The following SENP1 variants were observed in gnomAD, a reference collection of about 807,000 sequenced individuals.
The protein encoded by SENP1 is SUMO specific peptidase 1, also known as sentrin-specific protease 1.
A neutral mutation model predicts 93.0 loss-of-function variants in SENP1; 21 were observed. The ratio of observed to expected loss-of-function variants is 0.23; its 90% CI spans 0.16 to 0.33. The LOEUF is 0.33. Ranked by LOEUF, SENP1 falls within the 10% of genes least tolerant of loss-of-function variation. The pLI, the probability that SENP1 is intolerant of heterozygous loss-of-function variation, is 1.00. For synonymous variants in SENP1, 256 were observed against 259.6 expected (o/e 0.99, Z 0.13); for missense variants, 591 against 758.7 (o/e 0.78, Z 2.60).
rs753253293 is a variant in SENP1, at chr12:48,096,376, T to C, written c.187A>G (p.Arg63Gly). ...HLDRSFTCST[R>G]SAAYNPSYYS... is the part of the protein sequence containing the mutation. Reference sequence around the variant, plus strand: ...TAGCTTGGATTATAAGCTGCACTTCTTGTGGAACATGTAAAAGATCGGTCC... The same window carrying C: ...TAGCTTGGATTATAAGCTGCACTTCCTGTGGAACATGTAAAAGATCGGTCC... The change falls in exon 4 of 18, where the codon AGA (arginine) becomes GGA (glycine). Residue 63 changes from arginine to glycine, a missense_variant. Around this residue, in one of 4 missense-constraint regions of SENP1, gnomAD observed 214 missense variants for 243.4 expected, o/e 0.88. Coordinates refer to ENST00000549518, the MANE Select transcript of SENP1 (RefSeq NM_001267594.2). 3 of 1,610,420 alleles carry C rather than the reference T, an allele frequency of 1.9e-6. No individual in the cohort carries two copies. The highest frequency in any genetic ancestry group is 1.1e-5 in the South Asian group (1 of 90,818).
At chr12:48,045,515 T>C (rs1941299503) in intron 17 of SENP1, 131 bp from the exon 18 acceptor site, 7 of 693,000 alleles carry the variant, frequency 1.0e-5, no homozygotes, top group Non-Finnish European at 1.7e-5. Flanking sequence ...TTTTAAATTA[T>C]TCATTCTTGG....
intron 13 of SENP1, among the ~76,000 whole-genome samples, chr12:48,052,711 T>C (rs905005729): frequency 5.3e-5 from 8 of 152,192 alleles, no homozygotes; most frequent in African/African-American, 1.9e-4. Flanking sequence ...AGCTAAACTT[T>C]TAGAGAAAGA....
At position 48,048,974 on chromosome 12, in the gene SENP1, G is replaced by A. The variant is rs1471106980; in HGVS notation, c.1566C>T (p.Asp522=). 1 of 1,613,726 alleles carries A rather than the reference G, an allele frequency of 6.2e-7. No homozygotes were observed. The highest frequency in any genetic ancestry group is 1.1e-5 in the South Asian group (1 of 91,076). The stretch of plus-strand genomic sequence containing the variant: ...CCAGGTGAATGGGCACCAAAAGAAT[G>A]TCAACAGAAAATACATCTACTTTCT... The part of the protein sequence containing the change: ...WTKKVDVFSV[D]ILLVPIHLGV... The change falls in exon 14 of 18, where the codon GAC becomes GAT. Residue 522 remains aspartate (D), a synonymous_variant. Transcript: ENST00000549518.
intron 13 of SENP1, among the ~76,000 whole-genome samples, chr12:48,049,955 T>G (rs1941667207): frequency 6.6e-6 from 1 of 152,200 alleles, no homozygotes; most frequent in Admixed American, 6.5e-5. Context: ...TGGAAAGAAA[T>G]TACAATGGCT....
At chr12:48,070,836 G>A (rs189442423) in intron 9 of SENP1, among the ~76,000 whole-genome samples, 93 of 152,242 alleles carry the variant, frequency 6.1e-4, no homozygotes, top group Admixed American at 5.0e-3. Context: ...TCACACCTAC[G>A]ATCCCAGCAC....
rs540866779 is a variant in SENP1 at position 48,097,343 on chromosome 12, G to A, written c.135+651C>T. Among the ~76,000 whole-genome samples, 11 of 152,224 alleles carry A rather than the reference G, an allele frequency of 7.2e-5. No homozygotes were observed. The South Asian group carries it at 2.3e-3, about 32-fold the overall frequency. ...ATTATGGGGGGAGGTGGATGTTACA[G>A]GAATTTAGTGCCTAGGGCTCATGGA... On this transcript the variant is annotated intron_variant, in intron 3 of 17. Transcript: ENST00000549518.
At chr12:48,105,922 C>G in intron 1 of SENP1, 106 bp downstream of exon 1, 1 of 662,524 alleles carries the variant, frequency 1.5e-6, no homozygotes, top group South Asian at 1.6e-5. Flanking sequence ...CAGTGCTCCC[C>G]GCTTCCGCCC....
chr12:48,085,887 G>A (rs979046379), intron 5 of SENP1, among the ~76,000 whole-genome samples: 3 of 152,120 alleles, frequency 2.0e-5, no homozygotes, highest in African/African-American at 4.8e-5. Flanking sequence ...CTGTATTTGT[G>A]TTTCCCAGAG....
intron 10 of SENP1, 43 bp downstream of exon 10, chr12:48,066,884 A>G (rs1943341594): frequency 1.4e-6 from 2 of 1,418,538 alleles, no homozygotes; most frequent in Non-Finnish European, 1.9e-6. Flanking sequence ...CTAACTAAAA[A>G]TGAACTGATT....
intron 11 of SENP1, 119 bp downstream of exon 11, chr12:48,065,477 A>G: frequency 1.5e-6 from 1 of 686,644 alleles, no homozygotes; most frequent in Non-Finnish European, 2.5e-6. Context: ...ATAACATGCT[A>G]TGCTACCATA....
chr12:48,091,130 G>T (rs1945200113), intron 4 of SENP1, among the ~76,000 whole-genome samples: 2 of 152,106 alleles, frequency 1.3e-5, no homozygotes, highest in Admixed American at 1.3e-4. Flanking sequence ...ATACTTTTAT[G>T]AATATAATAA....
chr12:48,074,445 A>G lies in SENP1; in HGVS notation c.819T>C (p.Ser273=). The part of the protein sequence containing the change: ...EQLSHSVYSL[S]SYTPDVAFGS... ...CAAATGCAACATCTGGGGTATAAGA[A>G]GATAGGGAATATACACTGTGGGACA... Residue 273 remains serine (S), a synonymous_variant, in exon 8 of 18, where the codon TCT becomes TCC. Transcript: ENST00000549518. 1 of 1,613,948 alleles carries G rather than the reference A, an allele frequency of 6.2e-7. No homozygotes were observed. The highest frequency in any genetic ancestry group is 1.1e-5 in the South Asian group (1 of 91,082).
chr12:48,047,857 C>T, intron 15 of SENP1, 144 bp downstream of exon 15: 1 of 605,222 alleles, frequency 1.7e-6, no homozygotes, highest in Non-Finnish European at 2.9e-6. Context: ...ACTAAACTTA[C>T]TTAGATACAA....
At chr12:48,104,918 A>C (rs1288353377) in intron 1 of SENP1, among the ~76,000 whole-genome samples, 1 of 152,238 alleles carries the variant, frequency 6.6e-6, no homozygotes, top group African/African-American at 2.4e-5. Context: ...GAGAGGAAAA[A>C]TAAAGGGTGG....
intron 6 of SENP1, 47 bp downstream of exon 6, chr12:48,083,544 G>C: frequency 6.6e-7 from 1 of 1,517,542 alleles, no homozygotes; most frequent in Non-Finnish European, 9.1e-7. Flanking sequence ...GCTCAATGTA[G>C]GGAAAGATCC....
At chr12:48,051,715 G>A (rs1040590074) in intron 13 of SENP1, among the ~76,000 whole-genome samples, 2 of 152,186 alleles carry the variant, frequency 1.3e-5, no homozygotes, top group African/African-American at 2.4e-5. Context: ...GATGAAAGAG[G>A]AGCAGTGATG....
intron 6 of SENP1, among the ~76,000 whole-genome samples, chr12:48,078,334 T>TATATATATATATATATATATATACATAC: frequency 2.9e-5 from 2 of 67,890 alleles, no homozygotes; most frequent in Non-Finnish European, 6.0e-5. Flanking sequence ...TATATATATA[T>TATATATATATATATATATATATACATAC]ACACACACAT....
At chr12:48,084,044 A>C (rs2137142545) in intron 5 of SENP1, among the ~76,000 whole-genome samples, 1 of 152,354 alleles carries the variant, frequency 6.6e-6, no homozygotes, top group Admixed American at 6.5e-5. Context: ...GAAACCATAT[A>C]GTTTTGTGGT....
chr12:48,088,516 TA>T, intron 5 of SENP1: 1 of 367,310 alleles, frequency 2.7e-6, no homozygotes, highest in Admixed American at 4.5e-5. Context: ...ATTTTCACTT[TA>T]AGATTTGCAA....
Sources: gnomAD v4.1 joint callset for allele counts (sites outside exome capture counted in the v4.1 genomes callset) on GRCh38, gnomAD v4.1.1 for gene constraint, gnomAD v4.1.1 regional missense constraint, MANE v1.5 for transcripts, NCBI Gene and HGNC (gene_info 2026-07-23, HGNC 2026-07-21) for gene names.